PC: variants seen among roughly 807,000 people sequenced by gnomAD.
PC encodes the protein pyruvate carboxylase, mitochondrial.
PC carries 46 observed loss-of-function variants against 107.8 expected under a neutral mutation model. That is an observed-to-expected ratio of 0.43 (90% confidence interval 0.34 to 0.55). The LOEUF is 0.55. PC is among the 20% of genes least tolerant of loss of function. PC has a pLI of 0.04. For missense variants in PC, 1,241 were observed against 1,643.1 expected (o/e 0.76, Z 4.23); for synonymous variants, 662 against 684.7 (o/e 0.97, Z 0.52).
chr11:66,850,867 C>T lies in PC; in HGVS notation c.2280G>A (p.Arg760=), dbSNP rs1322102414. ...GCAGTGGGAGGTCGGGGAAGCGGTC[C>T]CGGAGGGAGCTGACCAGCATGGTGC... is the stretch of plus-strand genomic sequence containing the variant. ...TACTMLVSSL[R]DRFPDLPLHI... is the part of the protein sequence containing the mutation. The change falls in exon 18 of 23, where the codon CGG becomes CGA. Residue 760 remains arginine (R), a synonymous_variant. Transcript: ENST00000393960. 7 of 1,611,390 alleles carry T rather than the reference C, an allele frequency of 4.3e-6. No homozygotes were observed. The highest frequency in any genetic ancestry group is 3.3e-5 in the Admixed American group (2 of 59,984).
At position 66,890,393 on chromosome 11, in the gene PC, CAT is replaced by C. The variant is rs1491557134; in HGVS notation, c.1-18236_1-18235del. The stretch of plus-strand genomic sequence containing the variant: ...AGGCAGTGACAAATAGATTGTTTCC[CAT>C]TTTTTTTTTTTTTTTTGAGATGGAG... On this transcript the variant is annotated intron_variant, in intron 3 of 22. Transcript: ENST00000393960. 1.3e-4 allele frequency among the ~76,000 whole-genome samples: 17 copies of C among 130,568 alleles called. No individual in the cohort carries two copies. The East Asian group carries it at 2.2e-3, about 17-fold the overall frequency. 85.7% of individuals were successfully genotyped at this position (130,568 alleles called of 152,430 possible). A position where few individuals can be genotyped will look rare whatever the true frequency, so the allele number is the denominator to read the frequency against.
At chr11:66,853,147 T>C in intron 13 of PC, 92 bp downstream of exon 13, 1 of 1,467,458 alleles carries the variant, frequency 6.8e-7, no homozygotes, top group Non-Finnish European at 9.3e-7. Context: ...ACTAAGGAGT[T>C]CTTTGGTCAT....
chr11:66,868,090 G>A (rs1302737173), intron 10 of PC, among the ~76,000 whole-genome samples: 4 of 152,250 alleles, frequency 2.6e-5, no homozygotes, highest in African/African-American at 7.2e-5. Context: ...CAGGGAGCAC[G>A]CTAGTGCCAC....
At chr11:66,885,642 CAGG>C (rs1399236789) in intron 3 of PC, among the ~76,000 whole-genome samples, 3 of 152,132 alleles carry the variant, frequency 2.0e-5, no homozygotes, top group Admixed American at 2.0e-4. Context: ...TGTGAAGACA[CAGG>C]AGATGACGGC....
rs1199006490 is a variant in PC, at chr11:66,937,132, C to G, written c.-1+15298G>C. 2.6e-5 allele frequency among the ~76,000 whole-genome samples: 4 copies of G among 152,180 alleles called. No individual in the cohort carries two copies. The East Asian group carries it at 7.7e-4, about 29-fold the overall frequency. ...GTGCTGGGATTACAGGTGTAAGCCA[C>G]TGTGCCCGGCCTAAAGACAGGCCTT... On this transcript the variant is annotated intron_variant, in intron 3 of 22. Coordinates refer to ENST00000393960, the MANE Select transcript of PC (RefSeq NM_001040716.2).
chr11:66,848,771 C>CCA lies in PC; in HGVS notation c.*126_*127dup. The CCA allele has an allele frequency of 8.6e-7, 1 of 1,164,346 alleles. No individual in the cohort carries two copies. Among genetic ancestry groups the CCA allele is most frequent in the Non-Finnish European group, 1.3e-6 (1 of 791,030 alleles). 72.1% of individuals were successfully genotyped at this position (1,164,346 alleles called of 1,614,324 possible). ...CCACCGCAGGCGGTGTCTCTCCTGT[C>CCA]CAGCTGTGGACAGGACCTCCACGGC... On this transcript the variant is annotated 3_prime_UTR_variant, in exon 23 of 23. Transcript: ENST00000393960.
At chr11:66,869,056 G>C in intron 9 of PC, 92 bp from the exon 10 acceptor site, 1 of 973,050 alleles carries the variant, frequency 1.0e-6, no homozygotes, top group Non-Finnish European at 1.6e-6. Flanking sequence ...CCACCCATTG[G>C]GTTGGTTCCG....
In PC at chr11:66,858,493, G is replaced by A. The variant is rs1384205045; in HGVS notation, c.1369-5110C>T. On this transcript the variant is annotated intron_variant, in intron 12 of 22. Coordinates refer to ENST00000393960, the MANE Select transcript of PC (RefSeq NM_001040716.2). This position sits in a 1 kb window ranked among gnomAD's most constrained non-coding sequence, Gnocchi z 5.9. Reference sequence around the variant, plus strand: ...CTGCTGTGGCTGCGGCGGCTGGCGCGGCCGGACGACCTGGAAACGTGCGCC... The same window carrying A: ...CTGCTGTGGCTGCGGCGGCTGGCGCAGCCGGACGACCTGGAAACGTGCGCC... The A allele has an allele frequency of 1.9e-6, 3 of 1,538,508 alleles. No homozygotes were observed. Among genetic ancestry groups the A allele is most frequent in the South Asian group, 1.2e-5 (1 of 84,304 alleles).
chr11:66,923,596 C>T (rs529612192), intron 3 of PC, among the ~76,000 whole-genome samples: 1 of 151,996 alleles, frequency 6.6e-6, no homozygotes, highest in African/African-American at 2.4e-5. Flanking sequence ...TCACTGCAAC[C>T]TCCGCCTCCC....
rs1194706018 is a variant in PC, at chr11:66,857,179, G to C, written c.1369-3796C>G. The C allele has an allele frequency of 4.7e-5, 7 of 149,296 alleles. No individual in the cohort carries two copies. Among genetic ancestry groups the C allele is most frequent in the Non-Finnish European group, 1.5e-5 (1 of 66,876 alleles). The allele number at this position is 149,296 out of a possible 1,614,324, so 9.2% of individuals were successfully genotyped here. A position where few individuals can be genotyped will look rare whatever the true frequency, so the allele number is the denominator to read the frequency against. ...CCGAGCGCCATGGGCCCGAGGGTGG[G>C]CGGCGGGCGGCCGGTCATCCCCGGG... On this transcript the variant is annotated intron_variant, in intron 12 of 22. Transcript: ENST00000393960. This position sits in a 1 kb window ranked among gnomAD's most constrained non-coding sequence, Gnocchi z 7.1.
intron 12 of PC, chr11:66,859,163 C>T: frequency 6.9e-7 from 1 of 1,449,652 alleles, no homozygotes; most frequent in South Asian, 1.5e-5. Context: ...CCCCACAAGG[C>T]TTTGCTTCCA....
intron 10 of PC, among the ~76,000 whole-genome samples, chr11:66,867,315 G>A (rs1216446247): frequency 6.6e-6 from 1 of 152,222 alleles, no homozygotes; most frequent in Non-Finnish European, 1.5e-5. Context: ...GAACCCGGGA[G>A]GCAGAAGTTG....
At chr11:66,932,893 C>G (rs1220865380) in intron 3 of PC, among the ~76,000 whole-genome samples, 2 of 152,130 alleles carry the variant, frequency 1.3e-5, no homozygotes, top group Non-Finnish European at 2.9e-5. Flanking sequence ...GCACCAGGAA[C>G]TATGAATATC....
At position 66,860,499 on chromosome 11, in the gene PC, G is replaced by C. The variant is rs1306190477; in HGVS notation, c.1368+3275C>G. 2.6e-5 allele frequency: 18 copies of C among 702,572 alleles called. No individual in the cohort carries two copies. In the Admixed American group the frequency reaches 3.6e-4, roughly 14 times the overall value. The allele number at this position is 702,572 out of a possible 1,614,324, so 43.5% of individuals were successfully genotyped here. The stretch of plus-strand genomic sequence containing the variant: ...CAGTGCTAGTCTCTGGTGTTGTCTG[G>C]CTAGGTCCCCCGAGACGGGAGGACA... On this transcript the variant is annotated intron_variant, in intron 12 of 22. Transcript: ENST00000393960.
intron 3 of PC, among the ~76,000 whole-genome samples, chr11:66,951,969 C>G (rs748098003): frequency 6.6e-6 from 1 of 152,110 alleles, no homozygotes; most frequent in Non-Finnish European, 1.5e-5. Flanking sequence ...AAGGGCAGGT[C>G]CCTTTTTCCC....
chr11:66,915,251 T>C lies in PC; in HGVS notation c.-1+37179A>G, dbSNP rs146596680. Reference sequence around the variant, plus strand: ...AACCTGCCTAAGGTTCCCCATGTTCTGCCAAGCTCCACAGCAAGGCACTGC... The same window carrying C: ...AACCTGCCTAAGGTTCCCCATGTTCCGCCAAGCTCCACAGCAAGGCACTGC... On this transcript the variant is annotated intron_variant, in intron 3 of 22. Transcript: ENST00000393960. Among the ~76,000 whole-genome samples, 111 of 152,292 alleles carry C rather than the reference T, an allele frequency of 7.3e-4. 2 individuals are homozygous for C. Among genetic ancestry groups the C allele is most frequent in the African/African-American group, 2.5e-3 (105 of 41,572 alleles).
Position 66,876,196 on chromosome 11 carries a change from G to A in PC, c.1-4037C>T, listed in dbSNP as rs11227614. Among the ~76,000 whole-genome samples the A allele has an allele frequency of 6.4e-3, 968 of 152,254 alleles. 83 individuals carry two copies. The East Asian group carries it at 0.16, about 25-fold the overall frequency. ...GTCTGCAGGTTTGAAAGAGGATTGC[G>A]TTGATATCAATTTCCTGATCTTGAT... On this transcript the variant is annotated intron_variant, in intron 3 of 22. Transcript: ENST00000393960.
rs980734628 is a variant in PC at position 66,853,648 on chromosome 11, A to G, written c.1369-265T>C. On this transcript the variant is annotated intron_variant, in intron 12 of 22. Transcript: ENST00000393960. ...AAGGCCACCCTTCCTGCCTCCCCGC[A>G]GCCTAGAACAGGGCTCAGCCTTTTT... is the stretch of plus-strand genomic sequence containing the variant. Among the ~76,000 whole-genome samples, 5 of 152,234 alleles carry G rather than the reference A, an allele frequency of 3.3e-5. No homozygotes were observed. The East Asian group carries it at 9.7e-4, about 29-fold the overall frequency.
chr11:66,941,920 T>C (rs545179359), intron 3 of PC, among the ~76,000 whole-genome samples: 2 of 150,818 alleles, frequency 1.3e-5, no homozygotes, highest in South Asian at 4.2e-4. Flanking sequence ...CTGACCAACA[T>C]GGGGAAACCC....
Sources: allele counts gnomAD v4.1 joint callset (sites outside exome capture counted in the v4.1 genomes callset), GRCh38; gene constraint gnomAD v4.1.1; non-coding constraint Gnocchi (gnomAD v3.1); transcripts MANE v1.5; gene names NCBI Gene and HGNC (gene_info 2026-07-23, HGNC 2026-07-21).